The following FRAS1 variants were observed in gnomAD, a reference collection of about 807,000 sequenced individuals.
FRAS1 encodes Fraser extracellular matrix complex subunit 1.
Under a neutral mutation model 435.2 loss-of-function variants are expected in FRAS1, and 290 were observed. The observed-to-expected ratio is 0.67, with a 90% CI of 0.61 to 0.73. The LOEUF is 0.73. FRAS1 is among the 30% of genes least tolerant of loss of function. FRAS1 has a pLI of 0.00. For missense variants in FRAS1, 4,860 were observed against 5,001.5 expected (o/e 0.97, Z 0.85); for synonymous variants, 1,800 against 1,851.0 (o/e 0.97, Z 0.71).
At chr4:78,453,522 G>A (rs1051496246) in intron 47 of FRAS1, among the ~76,000 whole-genome samples, 3 of 152,218 alleles carry the variant, frequency 2.0e-5, no homozygotes, top group Admixed American at 6.5e-5. Flanking sequence ...TCTAGAGCCA[G>A]GTGCAGTGGC....
At chr4:78,147,949 G>A (rs932768032) in intron 2 of FRAS1, among the ~76,000 whole-genome samples, 1 of 152,088 alleles carries the variant, frequency 6.6e-6, no homozygotes, top group African/African-American at 2.4e-5. Flanking sequence ...CTTATTATGA[G>A]AATTTTTCTG....
chr4:78,058,674 A>ACCTGCTTCC (rs1347901382), intron 1 of FRAS1, among the ~76,000 whole-genome samples: 1 of 152,134 alleles, frequency 6.6e-6, no homozygotes, highest in Non-Finnish European at 1.5e-5. Flanking sequence ...GCTTCCCAGA[A>ACCTGCTTCC]CAAAAGTGGT....
intron 2 of FRAS1, among the ~76,000 whole-genome samples, chr4:78,084,677 T>G (rs1161118723): frequency 1.3e-5 from 2 of 152,102 alleles, no homozygotes; most frequent in Non-Finnish European, 2.9e-5. Flanking sequence ...ATGAAAGATG[T>G]TCCGTCCTCT....
chr4:78,503,223 G>C (rs1447060875), intron 61 of FRAS1, among the ~76,000 whole-genome samples: 1 of 152,190 alleles, frequency 6.6e-6, no homozygotes, highest in Non-Finnish European at 1.5e-5. Flanking sequence ...GATGATTCCG[G>C]CTTCATAAAA....
chr4:78,302,756 A>G (rs1162513529), intron 14 of FRAS1, among the ~76,000 whole-genome samples: 1 of 151,956 alleles, frequency 6.6e-6, no homozygotes, highest in Non-Finnish European at 1.5e-5. Context: ...TCTGGATATT[A>G]GTCCTTTGTC....
chr4:78,359,417 A>T (rs1217457860), intron 20 of FRAS1, among the ~76,000 whole-genome samples: 2 of 152,204 alleles, frequency 1.3e-5, no homozygotes, highest in East Asian at 3.8e-4. Context: ...AGAGATTTTG[A>T]CTTCAAGCCT....
intron 13 of FRAS1, among the ~76,000 whole-genome samples, chr4:78,284,908 G>A (rs759889675): frequency 2.6e-5 from 4 of 152,100 alleles, no homozygotes; most frequent in Admixed American, 2.6e-4. Flanking sequence ...CAATTAATCC[G>A]GGATAGAAAC....
intron 2 of FRAS1, among the ~76,000 whole-genome samples, chr4:78,202,213 A>G (rs1488495673): frequency 6.6e-6 from 1 of 152,148 alleles, no homozygotes; most frequent in African/African-American, 2.4e-5. Context: ...ATATTTATAG[A>G]TGAGAAAATG....
intron 2 of FRAS1, among the ~76,000 whole-genome samples, chr4:78,086,032 A>T (rs1468705116): frequency 1.4e-4 from 21 of 152,034 alleles, no homozygotes; most frequent in African/African-American, 3.6e-4. Context: ...GAAGTAAAGC[A>T]CTCCTCAGCA....
At chr4:78,212,611 C>T (rs1723564609) in intron 2 of FRAS1, among the ~76,000 whole-genome samples, 1 of 152,142 alleles carries the variant, frequency 6.6e-6, no homozygotes, top group Non-Finnish European at 1.5e-5. Flanking sequence ...CTTATTTATT[C>T]CTTATGTTCA....
chr4:78,308,279 A>G, intron 15 of FRAS1, 70 bp downstream of exon 15: 2 of 1,467,450 alleles, frequency 1.4e-6, no homozygotes, highest in East Asian at 2.3e-5. Context: ...TTGTATTCAA[A>G]TCATAGCACA....
Position 78,472,250 on chromosome 4 carries a change from A to G in FRAS1, c.7442A>G (p.Tyr2481Cys), listed in dbSNP as rs753377846. 5.0e-6 allele frequency: 8 copies of G among 1,613,890 alleles called. No individual in the cohort carries two copies. The highest frequency in any genetic ancestry group is 2.2e-5 in the East Asian group (1 of 44,874). The change falls in exon 52 of 74, where the codon TAT (tyrosine) becomes TGT (cysteine). Residue 2481 changes from tyrosine (Y) to cysteine (C), a missense_variant. Tyr to Cys is a radical substitution (Grantham distance 194, BLOSUM62 -2). Transcript: ENST00000512123. ...DPDTEDAQLV[Y>C]EITTGPKHGF... ...GACACCGAGGACGCGCAGCTTGTCT[A>G]TGAGATAACGACGGGCCCTAAGCAT...
At chr4:78,303,764 G>T (rs1373234572) in intron 14 of FRAS1, among the ~76,000 whole-genome samples, 1 of 151,812 alleles carries the variant, frequency 6.6e-6, no homozygotes, top group African/African-American at 2.4e-5. Flanking sequence ...GGCTGAGACA[G>T]TGGGGTTTTC....
chr4:78,077,637 T>A (rs533064241), intron 2 of FRAS1, among the ~76,000 whole-genome samples: 42 of 152,204 alleles, frequency 2.8e-4, no homozygotes, highest in African/African-American at 9.6e-4. Flanking sequence ...CATCCTACAC[T>A]CTACATCCAT....
intron 18 of FRAS1, 138 bp from the exon 19 acceptor site, chr4:78,333,134 G>A (rs1730010112): frequency 1.1e-6 from 1 of 918,912 alleles, no homozygotes; most frequent in African/African-American, 1.7e-5. Flanking sequence ...TGTGTGAGAT[G>A]TGCAGCCTGT....
chr4:78,135,292 G>A (rs781091609), intron 2 of FRAS1, among the ~76,000 whole-genome samples: 1 of 151,938 alleles, frequency 6.6e-6, no homozygotes, highest in African/African-American at 2.4e-5. Flanking sequence ...TCCTGCCTCT[G>A]TGTTCCTTCT....
chr4:78,435,177 C>A (rs1391377181), intron 38 of FRAS1, among the ~76,000 whole-genome samples: 2 of 152,056 alleles, frequency 1.3e-5, no homozygotes, highest in African/African-American at 4.8e-5. Flanking sequence ...ATTGCTTGAG[C>A]CCAGGAGGTT....
chr4:78,302,610 G>C (rs1453430616), intron 14 of FRAS1, among the ~76,000 whole-genome samples: 2 of 152,088 alleles, frequency 1.3e-5, no homozygotes, highest in Admixed American at 1.3e-4. Context: ...GGCCAGTGAT[G>C]ATGAGCATTT....
At chr4:78,373,774 A>AAAT (rs58619851) in intron 24 of FRAS1, among the ~76,000 whole-genome samples, 2,063 of 151,426 alleles carry the variant, frequency 0.014, 34 homozygotes, top group African/African-American at 0.046. Flanking sequence ...ACTCCGTCTT[A>AAAT]AATAATAATA....
Sources: allele counts gnomAD v4.1 joint callset (sites outside exome capture counted in the v4.1 genomes callset), GRCh38; gene constraint gnomAD v4.1.1; transcripts MANE v1.5; gene names NCBI Gene and HGNC (gene_info 2026-07-23, HGNC 2026-07-21).